Variants in COL11A2 observed in about 807,000 individuals in gnomAD.
COL11A2 encodes the protein collagen alpha-2(XI) chain.
COL11A2 carries 116 observed loss-of-function variants against 273.4 expected under a neutral mutation model. The ratio of observed to expected loss-of-function variants is 0.42; its 90% CI spans 0.36 to 0.49. The LOEUF is 0.49. Among genes scored for constraint, COL11A2 ranks in the 20% least tolerant of loss-of-function variants. The pLI, the probability that COL11A2 is intolerant of heterozygous loss-of-function variation, is 0.00. For missense variants in COL11A2, 1,866 were observed against 2,309.0 expected (o/e 0.81, Z 3.93); for synonymous variants, 782 against 864.2 (o/e 0.90, Z 1.67).
At chr6:33,185,431 C>T (rs538107890) in intron 6 of COL11A2, among the ~76,000 whole-genome samples, 9 of 152,026 alleles carry the variant, frequency 5.9e-5, no homozygotes, top group East Asian at 1.9e-4. Context: ...GTGAGGGGGA[C>T]GCCTGCCAGG....
chr6:33,176,296 T>C lies in COL11A2; in HGVS notation c.2177A>G (p.Asp726Gly). The C allele has an allele frequency of 1.2e-6, 2 of 1,606,752 alleles. No individual in the cohort carries two copies. Among genetic ancestry groups the C allele is most frequent in the African/African-American group, 2.7e-5 (2 of 74,924 alleles). Residue 726 changes from aspartate to glycine, a missense_variant, in exon 28 of 66, where the codon GAC (aspartate) becomes GGC (glycine). Asp to Gly is a moderately conservative substitution (Grantham distance 94, BLOSUM62 -1). Coordinates refer to ENST00000341947, the MANE Select transcript of COL11A2 (RefSeq NM_080680.3). This position sits in a 1 kb window ranked among gnomAD's most constrained non-coding sequence, Gnocchi z 4.9. ...ATGACCCTTCAGACCCCGAATTCCG[T>C]CCACACCCTAGAATTAGAGAGGGGA... The part of the protein sequence containing the change: ...YPGPRGVKGV[D>G]GIRGLKGHKG...
intron 8 of COL11A2, among the ~76,000 whole-genome samples, chr6:33,182,617 A>G (rs1398173092): frequency 6.6e-6 from 1 of 152,080 alleles, no homozygotes; most frequent in Non-Finnish European, 1.5e-5. Flanking sequence ...AGGCTGAGGC[A>G]GGAGGATCGC....
chr6:33,178,291 A>G lies in COL11A2; in HGVS notation c.1818+17T>C, dbSNP rs1019298314. Reference sequence around the variant, plus strand: ...CCCCAGAGCCCCCTCCCCCAGCACCAGCCCTTGGACACTCACCGACTCTCC... The same window carrying G: ...CCCCAGAGCCCCCTCCCCCAGCACCGGCCCTTGGACACTCACCGACTCTCC... On this transcript the variant is annotated intron_variant, in intron 20 of 65. Transcript: ENST00000341947. The surrounding 1 kb of genome is among the most constrained non-coding windows in gnomAD (Gnocchi z 4.6). 3 of 1,612,544 alleles carry G rather than the reference A, an allele frequency of 1.9e-6. No homozygotes were observed. The highest frequency in any genetic ancestry group is 1.7e-6 in the Non-Finnish European group (2 of 1,179,878).
chr6:33,182,960 G>C (rs551152737), intron 8 of COL11A2, among the ~76,000 whole-genome samples: 1 of 152,058 alleles, frequency 6.6e-6, no homozygotes, highest in Non-Finnish European at 1.5e-5. Context: ...GCAATGATCC[G>C]TTTCAAAATT....
At chr6:33,193,193 G>T (rs935146000), upstream of COL11A2, among the ~76,000 whole-genome samples, 3 of 152,064 alleles carry the variant, frequency 2.0e-5, no homozygotes, top group Non-Finnish European at 4.4e-5. Context: ...GCCTCCGGGC[G>T]GGCAACGCCT....
Position 33,170,807 on chromosome 6 carries a change from C to T in COL11A2, c.3474+3G>A, listed in dbSNP as rs1445655643. On this transcript the variant is annotated splice_donor_region_variant and intron_variant, in intron 46 of 65. Coordinates refer to ENST00000341947, the MANE Select transcript of COL11A2 (RefSeq NM_080680.3). The surrounding 1 kb of genome is among the most constrained non-coding windows in gnomAD (Gnocchi z 4.3). ...TCAGCCCCTGTCCTATCCCCCAACA[C>T]ACCTGTAGGCCAATGGGTCCTGGGG... is the stretch of plus-strand genomic sequence containing the variant. 4 of 1,612,206 alleles carry T rather than the reference C, an allele frequency of 2.5e-6. No individual in the cohort carries two copies. In the Admixed American group the frequency reaches 5.0e-5, roughly 20 times the overall value.
intron 5 of COL11A2, 92 bp from the exon 6 acceptor site, chr6:33,185,870 T>C (rs951510099): frequency 2.0e-5 from 9 of 454,082 alleles, no homozygotes; most frequent in Non-Finnish European, 4.0e-5. Flanking sequence ...AAAGATGGTG[T>C]GGGAGTTGGG....
At position 33,176,300 on chromosome 6, in the gene COL11A2, C is replaced by T. The variant is rs1554219686; in HGVS notation, c.2173G>A (p.Val725Met). The change falls in exon 28 of 66, where the codon GTG (valine) becomes ATG (methionine). Residue 725 changes from valine to methionine, a missense_variant. Val to Met is a conservative substitution (Grantham distance 21). Coordinates refer to ENST00000341947, the MANE Select transcript of COL11A2 (RefSeq NM_080680.3). This position sits in a 1 kb window ranked among gnomAD's most constrained non-coding sequence, Gnocchi z 4.9. The stretch of plus-strand genomic sequence containing the variant: ...CCCTTCAGACCCCGAATTCCGTCCA[C>T]ACCCTAGAATTAGAGAGGGGATAGA... ...GYPGPRGVKG[V>M]DGIRGLKGHK... The T allele has an allele frequency of 1.2e-6, 2 of 1,606,332 alleles. No homozygotes were observed. The highest frequency in any genetic ancestry group is 1.7e-6 in the Non-Finnish European group (2 of 1,176,488).
At position 33,168,873 on chromosome 6, in the gene COL11A2, C is replaced by A. The variant is rs908289544; in HGVS notation, c.3852+82G>T. ...CTGCCATACCCCCGGCTTCCCAATA[C>A]CCAAGCCCAGCGGCCACACAGAGGA... is the stretch of plus-strand genomic sequence containing the variant. On this transcript the variant is annotated intron_variant, in intron 52 of 65. Transcript: ENST00000341947. 16 of 1,596,542 alleles carry A rather than the reference C, an allele frequency of 1.0e-5. No homozygotes were observed. The African/African-American group carries it at 1.6e-4, about 16-fold the overall frequency.
rs1441385490 is a variant in COL11A2 at position 33,165,454 on chromosome 6, C to A, written c.4750+95G>T. 4 of 1,581,836 alleles carry A rather than the reference C, an allele frequency of 2.5e-6. No homozygotes were observed. Among genetic ancestry groups the A allele is most frequent in the Non-Finnish European group, 3.4e-6 (4 of 1,165,036 alleles). ...AGCCCCTCAGCCCTCACCCTTAACC[C>A]AACACCTTCACCAAGACTCCCCCAG... On this transcript the variant is annotated intron_variant, in intron 63 of 65. Coordinates refer to ENST00000341947, the MANE Select transcript of COL11A2 (RefSeq NM_080680.3). This position sits in a 1 kb window ranked among gnomAD's most constrained non-coding sequence, Gnocchi z 7.7.
At position 33,185,790 on chromosome 6, in the gene COL11A2, G is replaced by T; in HGVS notation, c.799-12C>A. 2.5e-6 allele frequency: 3 copies of T among 1,206,612 alleles called. No individual in the cohort carries two copies. The South Asian group carries it at 3.5e-5, about 14-fold the overall frequency. The allele number at this position is 1,206,612 out of a possible 1,614,324, so 74.7% of individuals were successfully genotyped here. A position where few individuals can be genotyped will look rare whatever the true frequency, so the allele number is the denominator to read the frequency against. Reference sequence around the variant, plus strand: ...AGAGACTCAGTGGGCTGGGATTGGGGGGTGGGCATAGACAGGAAGGGGATG... The same window carrying T: ...AGAGACTCAGTGGGCTGGGATTGGGTGGTGGGCATAGACAGGAAGGGGATG... On this transcript the variant is annotated splice_polypyrimidine_tract_variant and intron_variant, in intron 5 of 65. Transcript: ENST00000341947.
At chr6:33,185,433 C>T (rs571577849) in intron 6 of COL11A2, among the ~76,000 whole-genome samples, 1 of 152,216 alleles carries the variant, frequency 6.6e-6, no homozygotes, top group African/African-American at 2.4e-5. Flanking sequence ...GAGGGGGACG[C>T]CTGCCAGGTC....
At position 33,168,555 on chromosome 6, in the gene COL11A2, G is replaced by A. The variant is rs753324728; in HGVS notation, c.3924C>T (p.Thr1308=). ...GTGGCCCTGGGGGTCCATTCTCCCC[G>A]GTGGGACCAGGGGATCCCTAGGGAG... The part of the protein sequence containing the change: ...EPGQPGSPGP[T]GENGPPGPLG... Residue 1308 remains threonine (T), a synonymous_variant, in exon 54 of 66, where the codon ACC becomes ACT. Transcript: ENST00000341947. The A allele has an allele frequency of 1.4e-5, 22 of 1,613,554 alleles. No individual in the cohort carries two copies. Among genetic ancestry groups the A allele is most frequent in the South Asian group, 4.4e-5 (4 of 91,074 alleles).
At chr6:33,191,015 C>G (rs1773044724) in intron 1 of COL11A2, among the ~76,000 whole-genome samples, 1 of 152,102 alleles carries the variant, frequency 6.6e-6, no homozygotes, top group African/African-American at 2.4e-5. Context: ...CCCCAAATGC[C>G]TTATTCTCTA....
rs780265815 is a variant in COL11A2 at position 33,174,216 on chromosome 6, C to T, written c.2433G>A (p.Gly811=). The change falls in exon 32 of 66, where the codon GGG becomes GGA. Residue 811 remains glycine, a splice_region_variant and synonymous_variant. Coordinates refer to ENST00000341947, the MANE Select transcript of COL11A2 (RefSeq NM_080680.3). ...PGYPGRQGPK[G]SLGFPGFPGA... Reference sequence around the variant, plus strand: ...CAGGAAAGCCAGGAAATCCTAGGGACCCCTGGTGAGAACGGAGAAGGGGGG... The same window carrying T: ...CAGGAAAGCCAGGAAATCCTAGGGATCCCTGGTGAGAACGGAGAAGGGGGG... 2 of 1,565,892 alleles carry T rather than the reference C, an allele frequency of 1.3e-6. No individual in the cohort carries two copies. Among genetic ancestry groups the T allele is most frequent in the African/African-American group, 1.4e-5 (1 of 72,436 alleles).
chr6:33,174,047 C>A lies in COL11A2; in HGVS notation c.2493G>T (p.Ser831=). The change falls in exon 33 of 66, where the codon TCG becomes TCT. Residue 831 remains serine, a synonymous_variant. Transcript: ENST00000341947. ...GTTCTCCCCGAGGCCCTGACTTCCC[C>A]GACAGGCCCTGGTGGGAATGAAGCA... ...ASGEKGARGL[S]GKSGPRGERG... 6.2e-7 allele frequency: 1 copy of A among 1,613,910 alleles called. No homozygotes were observed. The highest frequency in any genetic ancestry group is 8.5e-7 in the Non-Finnish European group (1 of 1,179,984).
intron 4 of COL11A2, 114 bp from the exon 5 acceptor site, chr6:33,186,932 G>A: frequency 7.2e-7 from 1 of 1,384,640 alleles, no homozygotes; most frequent in Non-Finnish European, 1.0e-6. Context: ...ATGGGAGAAG[G>A]TCACTGTCAG....
Position 33,173,056 on chromosome 6 carries a change from C to T in COL11A2, c.2790+4G>A, listed in dbSNP as rs907073137. 10 of 1,612,478 alleles carry T rather than the reference C, an allele frequency of 6.2e-6. No homozygotes were observed. The highest frequency in any genetic ancestry group is 1.7e-5 in the Admixed American group (1 of 59,966). On this transcript the variant is annotated splice_donor_region_variant and intron_variant, in intron 38 of 65. Coordinates refer to ENST00000341947, the MANE Select transcript of COL11A2 (RefSeq NM_080680.3). The surrounding 1 kb of genome is among the most constrained non-coding windows in gnomAD (Gnocchi z 6.3). ...GGTCCATTCTCTCCTAGGGACAAAC[C>T]TACCTGAGGTCCCACCACTCCTGGA...
rs1298266492 is a variant in COL11A2 at position 33,177,213 on chromosome 6, G to A, written c.1984C>T (p.Pro662Ser). 1.9e-6 allele frequency: 3 copies of A among 1,613,042 alleles called. No homozygotes were observed. Among genetic ancestry groups the A allele is most frequent in the Non-Finnish European group, 2.5e-6 (3 of 1,180,002 alleles). The change falls in exon 24 of 66, where the codon CCC becomes TCC. Residue 662 changes from proline (P) to serine (S), a missense_variant. Coordinates refer to ENST00000341947, the MANE Select transcript of COL11A2 (RefSeq NM_080680.3). This position sits in a 1 kb window ranked among gnomAD's most constrained non-coding sequence, Gnocchi z 5.9. ...GTPGTQGLPGPQGAIGPHGEK... is the reference protein window; with the variant it reads ...GTPGTQGLPGSQGAIGPHGEK... The stretch of plus-strand genomic sequence containing the variant: ...CCATGAGGGCCGATGGCACCCTGGG[G>A]CCCGGGAAGACCCTACATACAGGGA...
Sources: gnomAD v4.1 joint callset for allele counts (sites outside exome capture counted in the v4.1 genomes callset) on GRCh38, gnomAD v4.1.1 for gene constraint, Gnocchi (gnomAD v3.1) non-coding constraint, MANE v1.5 for transcripts, NCBI Gene and HGNC (gene_info 2026-07-23, HGNC 2026-07-21) for gene names.